The following YME1L1 variants were observed in gnomAD, a reference collection of about 807,000 sequenced individuals.
The protein encoded by YME1L1 is ATP-dependent zinc metalloprotease YME1L1.
In YME1L1, 39 loss-of-function variants were observed where a neutral mutation model predicts 90.4. The observed-to-expected ratio is 0.43, with a 90% CI of 0.33 to 0.56. The LOEUF (loss-of-function observed/expected upper bound fraction) is 0.56, where lower values mean the gene tolerates loss of function less well. YME1L1 is among the 20% of genes least tolerant of loss of function. The pLI is 0.03. For missense variants in YME1L1, 617 were observed against 868.4 expected, an observed-to-expected ratio of 0.71 and a Z score of 3.64; for synonymous variants, 284 against 287.3, an observed-to-expected ratio of 0.99 and a Z score of 0.12.
Position 27,142,464 on chromosome 10 carries a change from G to T in YME1L1, c.353C>A (p.Thr118Lys). 6.8e-7 allele frequency: 1 copy of T among 1,481,274 alleles called. No homozygotes were observed. The highest frequency in any genetic ancestry group is 9.0e-7 in the Non-Finnish European group (1 of 1,113,938). The allele number at this position is 1,481,274 out of a possible 1,614,324, so 91.8% of individuals were successfully genotyped here. A position where few individuals can be genotyped will look rare whatever the true frequency, so the allele number is the denominator to read the frequency against. Residue 118 changes from threonine (T) to lysine (K), a missense_variant, in exon 4 of 19, where the codon ACA becomes AAA. Transcript: ENST00000376016. The part of the protein sequence containing the change: ...NKYGNLDIFS[T>K]LRSSCLYRHH... Reference sequence around the variant, plus strand: ...TCGATACAAGCAAGAGGAACGTAATGTACTAAATATATCTAAGTTACCTGG... The same window carrying T: ...TCGATACAAGCAAGAGGAACGTAATTTACTAAATATATCTAAGTTACCTGG...
chr10:27,115,709 GC>G (rs1194926333), intron 17 of YME1L1, among the ~76,000 whole-genome samples: 23 of 152,076 alleles, frequency 1.5e-4, no homozygotes, highest in Non-Finnish European at 2.8e-4. Context: ...GTATAGTAGT[GC>G]TTCAAGGAAC....
chr10:27,145,644 C>A, intron 2 of YME1L1, 54 bp from the exon 3 acceptor site: 1 of 1,423,098 alleles, frequency 7.0e-7, no homozygotes, highest in Non-Finnish European at 9.6e-7. Context: ...GATATTTAAC[C>A]TAAGGAGTAC....
At chr10:27,125,871 C>T (rs1162812616) in intron 9 of YME1L1, among the ~76,000 whole-genome samples, 2 of 151,722 alleles carry the variant, frequency 1.3e-5, no homozygotes, top group African/African-American at 4.8e-5. Flanking sequence ...CTCCAATGGC[C>T]CCTGGTTCAA....
chr10:27,132,611 G>C (rs749752309), intron 7 of YME1L1, among the ~76,000 whole-genome samples: 6 of 151,686 alleles, frequency 4.0e-5, no homozygotes, highest in Non-Finnish European at 8.8e-5. Context: ...CGCAAGGTGA[G>C]GAGATCGAGA....
chr10:27,116,099 T>A lies in YME1L1; in HGVS notation c.1881A>T (p.Ile627=), dbSNP rs771898583. 8 of 1,614,064 alleles carry A rather than the reference T, an allele frequency of 5.0e-6. 1 individual carries two copies. In the South Asian group the frequency reaches 8.8e-5, roughly 18 times the overall value. ...ASSDFDNATK[I]AKRMVTKFGM... is the part of the protein sequence containing the mutation. ...CAAATTTGGTAACCATCCGCTTTGC[T>A]ATTTTAGTGGCATTATCAAAATCAC... The change falls in exon 17 of 19, where the codon ATA becomes ATT. Residue 627 remains isoleucine (I), a synonymous_variant. Transcript: ENST00000376016.
intron 4 of YME1L1, among the ~76,000 whole-genome samples, chr10:27,138,644 A>G (rs530794240): frequency 3.9e-4 from 60 of 152,274 alleles, no homozygotes; most frequent in Non-Finnish European, 6.3e-4. Flanking sequence ...TTATGCATTT[A>G]TCTGGTATGG....
chr10:27,149,630 GATCTCA>G (rs967333259), intron 1 of YME1L1, among the ~76,000 whole-genome samples: 2 of 142,188 alleles, frequency 1.4e-5, no homozygotes, highest in African/African-American at 5.2e-5. Context: ...AGAATTGCTT[GATCTCA>G]GGAGGCGGAA....
chr10:27,129,239 C>T (rs2056953503), intron 8 of YME1L1: 1 of 152,214 alleles, frequency 6.6e-6, no homozygotes, highest in Non-Finnish European at 1.5e-5. Context: ...ATGCAGACCT[C>T]AAACACAATG....
rs1179660518 is a variant in YME1L1 at position 27,114,590 on chromosome 10, G to A, written c.1938C>T (p.Tyr646=). 1.9e-6 allele frequency: 3 copies of A among 1,613,334 alleles called. No individual in the cohort carries two copies. Among genetic ancestry groups the A allele is most frequent in the South Asian group, 2.2e-5 (2 of 90,872 alleles). ...GMSEKLGVMT[Y]SDTGKLSPET... The stretch of plus-strand genomic sequence containing the variant: ...CTGGACTTAGTTTCCCTGTATCACT[G>A]TAGGTCATAACTCCAAGCTAAAACC... Residue 646 remains tyrosine, a synonymous_variant, in exon 18 of 19, where the codon TAC becomes TAT. Transcript: ENST00000376016.
chr10:27,115,995 C>A lies in YME1L1; in HGVS notation c.1920+65G>T, dbSNP rs186750519. 3.9e-4 allele frequency: 544 copies of A among 1,394,318 alleles called. No individual in the cohort carries two copies. In the African/African-American group the frequency reaches 7.2e-3, roughly 18 times the overall value. 86.4% of individuals were successfully genotyped at this position (1,394,318 alleles called of 1,614,324 possible). On this transcript the variant is annotated intron_variant, in intron 17 of 18. Coordinates refer to ENST00000376016, the MANE Select transcript of YME1L1 (RefSeq NM_014263.4). ...GAATATTACCAATTTATAATCAGAA[C>A]CAGCTCTCAAATCAACACTTGACAC...
intron 2 of YME1L1, chr10:27,147,263 G>A: frequency 1.5e-6 from 1 of 659,466 alleles, no homozygotes; most frequent in South Asian, 2.0e-5. Context: ...AGAGGCTGAG[G>A]TGGGAGGACT....
intron 13 of YME1L1, 93 bp downstream of exon 13, chr10:27,120,342 A>T: frequency 2.4e-6 from 2 of 828,448 alleles, no homozygotes; most frequent in Non-Finnish European, 3.7e-6. Context: ...CTGGTCTTTT[A>T]ATGTTAATAC....
rs774948359 is a variant in YME1L1 at position 27,111,972 on chromosome 10, A to T, written c.*5T>A. 6.2e-6 allele frequency: 10 copies of T among 1,613,974 alleles called. No homozygotes were observed. Among genetic ancestry groups the T allele is most frequent in the Non-Finnish European group, 8.5e-6 (10 of 1,179,982 alleles). On this transcript the variant is annotated 3_prime_UTR_variant, in exon 19 of 19. Transcript: ENST00000376016. The stretch of plus-strand genomic sequence containing the variant: ...AACCAGCAAGCATCCATATCAAGAG[A>T]GTTATCATCTCACTTCCAACTTTTT...
chr10:27,136,201 A>G, intron 5 of YME1L1, 75 bp downstream of exon 5: 16 of 1,197,698 alleles, frequency 1.3e-5, no homozygotes, highest in Non-Finnish European at 1.8e-5. Context: ...CCAACAAAAG[A>G]AATCAGATAT....
Position 27,134,906 on chromosome 10 carries a change from C to A in YME1L1, c.616G>T (p.Ala206Ser). 1.2e-6 allele frequency: 2 copies of A among 1,614,006 alleles called. No individual in the cohort carries two copies. Among genetic ancestry groups the A allele is most frequent in the Non-Finnish European group, 1.7e-6 (2 of 1,180,012 alleles). The change falls in exon 6 of 19, where the codon GCT becomes TCT. Residue 206 changes from alanine to serine, a missense_variant. Ala to Ser is a moderately conservative substitution (Grantham distance 99, BLOSUM62 1). Around this residue, in one of 4 missense-constraint regions of YME1L1, gnomAD observed 311 missense variants for 335.8 expected, o/e 0.93. Coordinates refer to ENST00000376016, the MANE Select transcript of YME1L1 (RefSeq NM_014263.4). ...CCAGTTTTAAATGCATCTTGGTGAGCTTCAGGTATATTTTTGGTTTTCATG... is the reference window on the plus strand; with the variant it reads ...CCAGTTTTAAATGCATCTTGGTGAGATTCAGGTATATTTTTGGTTTTCATG... ...KLMKTKNIPE[A>S]HQDAFKTGFA... is the part of the protein sequence containing the mutation.
intron 4 of YME1L1, among the ~76,000 whole-genome samples, chr10:27,138,124 A>C (rs1451511022): frequency 1.3e-5 from 2 of 152,116 alleles, no homozygotes; most frequent in Non-Finnish European, 2.9e-5. Flanking sequence ...AACATTTGAT[A>C]ATCCATCATT....
chr10:27,117,783 A>C, intron 14 of YME1L1, 56 bp from the exon 15 acceptor site: 1 of 1,569,486 alleles, frequency 6.4e-7, no homozygotes. Flanking sequence ...TTAAATCAAC[A>C]AAACACATTC....
At chr10:27,126,204 A>G (rs977883914) in intron 9 of YME1L1, among the ~76,000 whole-genome samples, 2 of 152,112 alleles carry the variant, frequency 1.3e-5, no homozygotes, top group Non-Finnish European at 2.9e-5. Context: ...GTACTTTAGG[A>G]GGCCAAAGTG....
chr10:27,116,482 C>T (rs898283435), intron 15 of YME1L1, 137 bp from the exon 16 acceptor site: 18 of 857,544 alleles, frequency 2.1e-5, no homozygotes, highest in Non-Finnish European at 2.9e-5. Context: ...GCCTGACCAA[C>T]ATGGAGAAAT....
Sources: allele counts gnomAD v4.1 joint callset (sites outside exome capture counted in the v4.1 genomes callset), GRCh38; gene constraint gnomAD v4.1.1; regional missense constraint gnomAD v4.1.1; transcripts MANE v1.5; gene names NCBI Gene and HGNC (gene_info 2026-07-23, HGNC 2026-07-21).